The following SHISA6 variants were observed in gnomAD, a reference collection of about 807,000 sequenced individuals.
SHISA6 encodes the protein shisa family member 6.
In SHISA6, 22 loss-of-function variants were observed where a neutral mutation model predicts 47.9. The ratio of observed to expected loss-of-function variants is 0.46; its 90% CI spans 0.33 to 0.66. The LOEUF (loss-of-function observed/expected upper bound fraction) is 0.66. SHISA6 is among the 30% of genes least tolerant of loss of function. The pLI, the probability that SHISA6 is intolerant of heterozygous loss-of-function variation, is 0.02. For missense variants in SHISA6, 680 were observed against 764.6 expected (o/e 0.89, Z 1.30); for synonymous variants, 388 against 337.8 (o/e 1.15, Z -1.63).
chr17:11,555,845 C>G lies in SHISA6; in HGVS notation c.1058C>G (p.Ser353Cys). The G allele has an allele frequency of 6.4e-7, 1 of 1,551,554 alleles. No individual in the cohort carries two copies. Among genetic ancestry groups the G allele is most frequent in the Non-Finnish European group, 8.7e-7 (1 of 1,146,872 alleles). ...NLAHLPPSYE[S>C]AVKTNPSKYS... is the part of the protein sequence containing the mutation. ...GCCCACCTGCCCCCATCCTACGAGTCTGCAGTAAAGACCAACCCCAGCAAG... is the reference window on the plus strand; with the variant it reads ...GCCCACCTGCCCCCATCCTACGAGTGTGCAGTAAAGACCAACCCCAGCAAG... The change falls in exon 5 of 6, where the codon TCT becomes TGT. Residue 353 changes from serine (S) to cysteine (C), a missense_variant. By Grantham distance (112) the Ser-to-Cys change is moderately radical. This residue lies in a region of SHISA6 where 559 missense variants were observed against 674.1 expected (regional missense o/e 0.83). Coordinates refer to ENST00000441885, the MANE Select transcript of SHISA6 (RefSeq NM_207386.4).
intron 2 of SHISA6, among the ~76,000 whole-genome samples, chr17:11,327,183 T>A (rs1158656459): frequency 2.0e-5 from 3 of 152,198 alleles, no homozygotes; most frequent in African/African-American, 7.2e-5. Context: ...AGTAACTATT[T>A]CCTCATTTCC....
At chr17:11,404,548 A>G (rs955249553) in intron 3 of SHISA6, among the ~76,000 whole-genome samples, 3 of 152,162 alleles carry the variant, frequency 2.0e-5, no homozygotes, top group Non-Finnish European at 4.4e-5. Context: ...CTCACTGTTT[A>G]TAAGGGCCTG....
At chr17:11,350,170 A>ATTTTT (rs1295741204) in intron 2 of SHISA6, among the ~76,000 whole-genome samples, 4 of 105,410 alleles carry the variant, frequency 3.8e-5, no homozygotes, top group African/African-American at 1.2e-4. Context: ...TTATTTATTT[A>ATTTTT]TTTATTTATT....
intron 2 of SHISA6, among the ~76,000 whole-genome samples, chr17:11,359,132 CT>C (rs1912180001): frequency 1.3e-5 from 2 of 152,080 alleles, no homozygotes; most frequent in Non-Finnish European, 2.9e-5. Flanking sequence ...GACATATAGG[CT>C]TCTAAAAATT....
chr17:11,290,848 G>A (rs1340180515), intron 2 of SHISA6: 7 of 152,028 alleles, frequency 4.6e-5, no homozygotes, highest in Middle Eastern at 3.2e-3. Flanking sequence ...TGATATGTGA[G>A]GGTTTATGGG....
rs142499150 is a variant in SHISA6 at position 11,464,526 on chromosome 17, T to C, written c.895+85017T>C. 6.4e-4 allele frequency among the ~76,000 whole-genome samples: 97 copies of C among 152,264 alleles called. No individual in the cohort carries two copies. In the East Asian group the frequency reaches 0.017, roughly 26 times the overall value. ...TCTTGTCCATGCAGGCCCCTGTCTA[T>C]ACACACCCACGTCCATGAAATGAAT... On this transcript the variant is annotated intron_variant, in intron 3 of 5. Transcript: ENST00000441885.
At chr17:11,303,345 G>T (rs138913748) in intron 2 of SHISA6, among the ~76,000 whole-genome samples, 1 of 151,990 alleles carries the variant, frequency 6.6e-6, no homozygotes, top group Non-Finnish European at 1.5e-5. Context: ...ATGTGTGGTC[G>T]TGAGTATGGT....
intron 3 of SHISA6, among the ~76,000 whole-genome samples, chr17:11,403,718 C>T (rs1181743021): frequency 2.0e-5 from 3 of 152,308 alleles, no homozygotes; most frequent in Non-Finnish European, 4.4e-5. Flanking sequence ...GGTGGCTTTT[C>T]GTGGTTGACT....
intron 2 of SHISA6, among the ~76,000 whole-genome samples, chr17:11,319,304 C>G (rs1446654053): frequency 6.6e-6 from 1 of 152,140 alleles, no homozygotes; most frequent in Non-Finnish European, 1.5e-5. Flanking sequence ...GTCTCGAACT[C>G]CTGACCTCAG....
At chr17:11,523,404 A>C (rs2071646930) in intron 3 of SHISA6, among the ~76,000 whole-genome samples, 1 of 152,214 alleles carries the variant, frequency 6.6e-6, no homozygotes, top group Non-Finnish European at 1.5e-5. Context: ...CTGAAATATC[A>C]CTGCAGAGGC....
chr17:11,486,875 G>A (rs1246638015), intron 3 of SHISA6, among the ~76,000 whole-genome samples: 1 of 152,200 alleles, frequency 6.6e-6, no homozygotes, highest in Non-Finnish European at 1.5e-5. Context: ...GTTTACACTG[G>A]TAAACCAGCT....
chr17:11,293,756 C>T (rs959042911), intron 2 of SHISA6, among the ~76,000 whole-genome samples: 1 of 152,172 alleles, frequency 6.6e-6, no homozygotes, highest in Non-Finnish European at 1.5e-5. Flanking sequence ...GATAAGCACA[C>T]CAACCTCATA....
intron 3 of SHISA6, among the ~76,000 whole-genome samples, chr17:11,475,230 C>T (rs1368980707): frequency 6.6e-6 from 1 of 152,072 alleles, no homozygotes; most frequent in East Asian, 1.9e-4. Flanking sequence ...CATCTGCAAA[C>T]AAAGACAATT....
At chr17:11,381,494 A>G (rs1229854203) in intron 3 of SHISA6, among the ~76,000 whole-genome samples, 1 of 152,212 alleles carries the variant, frequency 6.6e-6, no homozygotes, top group Non-Finnish European at 1.5e-5. Context: ...CAGTGGCAGG[A>G]AGCTGGTCTT....
At chr17:11,471,264 A>G (rs1915930660) in intron 3 of SHISA6, among the ~76,000 whole-genome samples, 1 of 151,656 alleles carries the variant, frequency 6.6e-6, no homozygotes, top group African/African-American at 2.4e-5. Context: ...ACCCCAGAGA[A>G]GGCAGAGAAA....
intron 2 of SHISA6, among the ~76,000 whole-genome samples, chr17:11,314,443 A>G (rs1488499739): frequency 6.6e-6 from 1 of 151,852 alleles, no homozygotes; most frequent in Non-Finnish European, 1.5e-5. Context: ...TAAATAAGGT[A>G]GGAAACTAAG....
At position 11,321,352 on chromosome 17, in the gene SHISA6, A is replaced by G. The variant is rs138039595; in HGVS notation, c.799+57826A>G. On this transcript the variant is annotated intron_variant, in intron 2 of 5. Transcript: ENST00000441885. ...GAGAGGCTAGTAACATGAATGGTTA[A>G]CATTTCCAGCTTCTTTAGGAAAGGT... is the stretch of plus-strand genomic sequence containing the variant. Among the ~76,000 whole-genome samples the G allele has an allele frequency of 5.0e-3, 756 of 152,356 alleles. 9 individuals carry two copies. Among genetic ancestry groups the G allele is most frequent in the African/African-American group, 0.017 (725 of 41,594 alleles).
At chr17:11,252,946 T>C (rs1344633457) in intron 1 of SHISA6, among the ~76,000 whole-genome samples, 1 of 152,206 alleles carries the variant, frequency 6.6e-6, no homozygotes, top group African/African-American at 2.4e-5. Context: ...TGGGAGACTA[T>C]TTATGCAATG....
rs1455154880 is a variant in SHISA6 at position 11,405,964 on chromosome 17, T to A, written c.895+26455T>A. ...TTTCCAGGCAGCTGCACTGCATATGTTTTTCCAGACAGCTAGACAGTACAT... is the reference window on the plus strand; with the variant it reads ...TTTCCAGGCAGCTGCACTGCATATGATTTTCCAGACAGCTAGACAGTACAT... On this transcript the variant is annotated intron_variant, in intron 3 of 5. Coordinates refer to ENST00000441885, the MANE Select transcript of SHISA6 (RefSeq NM_207386.4). Among the ~76,000 whole-genome samples the A allele has an allele frequency of 1.3e-5, 2 of 152,140 alleles. 1 individual carries two copies. The highest frequency in any genetic ancestry group is 6.3e-3 in the Middle Eastern group (2 of 316).
Sources: allele counts gnomAD v4.1 joint callset (sites outside exome capture counted in the v4.1 genomes callset), GRCh38; gene constraint gnomAD v4.1.1; regional missense constraint gnomAD v4.1.1; transcripts MANE v1.5; gene names NCBI Gene and HGNC (gene_info 2026-07-23, HGNC 2026-07-21).